DAB2IP: variants seen among roughly 807,000 people sequenced by gnomAD.
DAB2IP encodes the protein DAB2 interacting protein, also known as disabled homolog 2-interacting protein.
DAB2IP carries 28 observed loss-of-function variants against 107.2 expected under a neutral mutation model. The observed-to-expected ratio is 0.26, with a 90% CI of 0.19 to 0.36. DAB2IP has a LOEUF of 0.36. Among genes scored for constraint, DAB2IP ranks in the 10% least tolerant of loss-of-function variants. The pLI, the probability that DAB2IP is intolerant of heterozygous loss-of-function variation, is 1.00. For missense variants in DAB2IP, 1,400 were observed against 1,644.7 expected, an observed-to-expected ratio of 0.85 and a Z score of 2.57; for synonymous variants, 755 against 706.4, an observed-to-expected ratio of 1.07 and a Z score of -1.09.
At chr9:121,754,215 G>T (rs1833320401) in intron 3 of DAB2IP, among the ~76,000 whole-genome samples, 1 of 152,198 alleles carries the variant, frequency 6.6e-6, no homozygotes, top group Admixed American at 6.5e-5. Flanking sequence ...CCCTGGCAGG[G>T]TCACAGCAGA....
At chr9:121,747,513 A>G (rs557825883) in intron 3 of DAB2IP, among the ~76,000 whole-genome samples, 6 of 151,914 alleles carry the variant, frequency 3.9e-5, no homozygotes, top group African/African-American at 1.5e-4. Flanking sequence ...ACGCCCAGCT[A>G]ATTTTTTGTA....
At chr9:121,645,671 G>C (rs2119046720) in intron 1 of DAB2IP, among the ~76,000 whole-genome samples, 1 of 152,340 alleles carries the variant, frequency 6.6e-6, no homozygotes, top group East Asian at 1.9e-4. Context: ...ATCCCAGTTT[G>C]CCATGGGTTA....
intron 1 of DAB2IP, among the ~76,000 whole-genome samples, chr9:121,596,466 G>C (rs1157384862): frequency 6.6e-6 from 1 of 152,192 alleles, no homozygotes; most frequent in Non-Finnish European, 1.5e-5. Context: ...AGTGAGCTAT[G>C]ATAGCGCCAC....
intron 3 of DAB2IP, among the ~76,000 whole-genome samples, chr9:121,704,886 A>G (rs1027033638): frequency 2.6e-5 from 4 of 152,188 alleles, no homozygotes; most frequent in African/African-American, 7.2e-5. Context: ...GCTGGGGCCT[A>G]TGCAGAAGCC....
chr9:121,580,052 G>T (rs543302414), intron 1 of DAB2IP, among the ~76,000 whole-genome samples: 2 of 152,146 alleles, frequency 1.3e-5, no homozygotes, highest in African/African-American at 2.4e-5. Flanking sequence ...TCTAAAGGAG[G>T]CCTGGGCAAT....
rs116449916 is a variant in DAB2IP at position 121,693,460 on chromosome 9, T to C, written c.229-5865T>C. ...GATCTTCTCCTCCCTTTCCTGTTTA[T>C]TTAGATGTGCTTTTGGCATTCGGGC... is the stretch of plus-strand genomic sequence containing the variant. On this transcript the variant is annotated intron_variant, in intron 2 of 15. Coordinates refer to ENST00000408936, the Ensembl canonical transcript of DAB2IP. Among the ~76,000 whole-genome samples the C allele has an allele frequency of 9.9e-3, 1,508 of 152,338 alleles. 16 individuals carry two copies. Among genetic ancestry groups the C allele is most frequent in the African/African-American group, 0.03 (1,263 of 41,572 alleles).
chr9:121,668,428 G>A (rs985898415), intron 1 of DAB2IP, among the ~76,000 whole-genome samples: 2 of 152,094 alleles, frequency 1.3e-5, no homozygotes, highest in African/African-American at 4.8e-5. Flanking sequence ...CTTAGAGATG[G>A]TGGTCTCGCT....
chr9:121,737,880 G>C (rs1008618056), intron 3 of DAB2IP, among the ~76,000 whole-genome samples: 4 of 152,220 alleles, frequency 2.6e-5, no homozygotes, highest in Non-Finnish European at 4.4e-5. Context: ...GTCCTCAGTG[G>C]GCAGGGCTTG....
chr9:121,673,303 C>A (rs190965137), intron 1 of DAB2IP, among the ~76,000 whole-genome samples: 1 of 152,128 alleles, frequency 6.6e-6, no homozygotes, highest in Non-Finnish European at 1.5e-5. Flanking sequence ...AAGGGACTTT[C>A]GGCATATACT....
chr9:121,746,196 G>A (rs1832713378), intron 3 of DAB2IP, among the ~76,000 whole-genome samples: 1 of 152,086 alleles, frequency 6.6e-6, no homozygotes, highest in Admixed American at 6.5e-5. Flanking sequence ...AAGGGCGTGC[G>A]GGAAGGGACA....
At chr9:121,773,057 C>T (rs752757270) in exon 12 of DAB2IP, 4 of 1,612,568 alleles carry the variant, frequency 2.5e-6, no homozygotes, top group South Asian at 1.1e-5. Flanking sequence ...CGCTGTCACC[C>T]CGTGGCCTTG....
rs910480035 is a variant in DAB2IP, at chr9:121,701,822, A to G, written c.362+2364A>G. ...TGGAGCAGTGCCTCTCCCTGCTCTG[A>G]TGTGGTGTGGTTGTGATGTTGAAGG... On this transcript the variant is annotated intron_variant, in intron 3 of 15. Transcript: ENST00000408936. This position sits in a 1 kb window ranked among gnomAD's most constrained non-coding sequence, Gnocchi z 4.7. 6.6e-6 allele frequency among the ~76,000 whole-genome samples: 1 copy of G among 151,942 alleles called. No individual in the cohort carries two copies. The highest frequency in any genetic ancestry group is 2.4e-5 in the African/African-American group (1 of 41,360).
rs571168406 is a variant in DAB2IP, at chr9:121,625,338, T to G, written c.41-53340T>G. ...CACTGAAGCCTCTGCCTCCTGGGTT[T>G]AAGCGATTCTTGCGCCTCAGCCCCC... is the stretch of plus-strand genomic sequence containing the variant. On this transcript the variant is annotated intron_variant, in intron 1 of 16. Coordinates refer to the DAB2IP transcript ENST00000259371. 1.2e-4 allele frequency among the ~76,000 whole-genome samples: 18 copies of G among 151,954 alleles called. No homozygotes were observed. The South Asian group carries it at 3.1e-3, about 26-fold the overall frequency.
intron 3 of DAB2IP, among the ~76,000 whole-genome samples, chr9:121,714,405 T>C (rs114755604): frequency 1.3e-3 from 192 of 152,336 alleles, no homozygotes; most frequent in African/African-American, 4.3e-3. Context: ...AAGGTGTTAC[T>C]ACGTGAAATC....
At chr9:121,606,363 C>CAAT (rs149009372) in intron 1 of DAB2IP, among the ~76,000 whole-genome samples, 216 of 151,120 alleles carry the variant, frequency 1.4e-3, no homozygotes, top group Non-Finnish European at 2.0e-3. Context: ...GATTCTGTCT[C>CAAT]AATAATAATA....
At chr9:121,754,778 G>C (rs538404771) in intron 3 of DAB2IP, among the ~76,000 whole-genome samples, 41 of 152,264 alleles carry the variant, frequency 2.7e-4, no homozygotes, top group South Asian at 1.2e-3. Context: ...GGGTCTCCTT[G>C]GGTTTCCCTG....
intron 3 of DAB2IP, among the ~76,000 whole-genome samples, chr9:121,724,694 A>G (rs1435990126): frequency 6.6e-6 from 1 of 151,132 alleles, no homozygotes; most frequent in African/African-American, 2.5e-5. Context: ...CATTTTACAG[A>G]TGGGGAAACT....
intron 14 of DAB2IP, among the ~76,000 whole-genome samples, chr9:121,781,196 C>G (rs745809905): frequency 7.2e-5 from 11 of 152,104 alleles, no homozygotes; most frequent in Non-Finnish European, 1.6e-4. Context: ...GGAAGAACAT[C>G]GGGAAAGGGG....
At chr9:121,640,059 G>C (rs142205396) in intron 1 of DAB2IP, among the ~76,000 whole-genome samples, 3 of 152,316 alleles carry the variant, frequency 2.0e-5, no homozygotes, top group Non-Finnish European at 2.9e-5. Flanking sequence ...AGAGGGCATG[G>C]GGTCGGCTGG....
Sources: allele counts gnomAD v4.1 joint callset (sites outside exome capture counted in the v4.1 genomes callset), GRCh38; gene constraint gnomAD v4.1.1; non-coding constraint Gnocchi (gnomAD v3.1); transcripts MANE v1.5; gene names NCBI Gene and HGNC (gene_info 2026-07-23, HGNC 2026-07-21).